The following WWOX variants were observed in gnomAD, a reference collection of about 807,000 sequenced individuals.
The protein encoded by WWOX is WW domain-containing oxidoreductase.
A neutral mutation model predicts 46.2 loss-of-function variants in WWOX; 69 were observed. The observed-to-expected ratio is 1.49, with a 90% CI of 1.23 to 1.82. WWOX has a LOEUF of 1.82. WWOX is among the 40% of genes most tolerant of loss of function. WWOX has a pLI of 0.00. For synonymous variants in WWOX, 359 were observed against 202.6 expected (o/e 1.77, Z -6.56); for missense variants, 919 against 542.6 (o/e 1.69, Z -6.89).
intron 8 of WWOX, among the ~76,000 whole-genome samples, chr16:79,168,974 C>A (rs2050648249): frequency 2.6e-5 from 4 of 152,228 alleles, no homozygotes; most frequent in Admixed American, 2.0e-4. Context: ...CTGTAAAAAT[C>A]TTGATTCCGG....
chr16:78,645,095 G>T (rs1202547134), intron 8 of WWOX, among the ~76,000 whole-genome samples: 1 of 152,104 alleles, frequency 6.6e-6, no homozygotes, highest in East Asian at 1.9e-4. Context: ...AAACCCCAAG[G>T]CTAAGCAATA....
chr16:78,935,847 G>A (rs960308294), intron 8 of WWOX, among the ~76,000 whole-genome samples: 2 of 152,076 alleles, frequency 1.3e-5, no homozygotes, highest in African/African-American at 4.8e-5. Context: ...AGGTGGTAGA[G>A]GCTGCAGTGA....
At chr16:79,104,249 C>G (rs952367038) in intron 8 of WWOX, among the ~76,000 whole-genome samples, 2 of 152,090 alleles carry the variant, frequency 1.3e-5, no homozygotes, top group African/African-American at 4.8e-5. Context: ...TTGCCTGTGT[C>G]TTATTTTGGT....
chr16:78,683,393 AT>A (rs1227251844), intron 8 of WWOX, among the ~76,000 whole-genome samples: 13 of 151,614 alleles, frequency 8.6e-5, no homozygotes, highest in Non-Finnish European at 4.4e-5. Context: ...TTAAAAAAAA[AT>A]TTAGGCGTGG....
At chr16:78,420,652 T>A (rs1567561970) in intron 6 of WWOX, among the ~76,000 whole-genome samples, 1 of 54,116 alleles carries the variant, frequency 1.8e-5, no homozygotes, top group Non-Finnish European at 3.7e-5. Flanking sequence ...TGATTGCTAA[T>A]TTTTTTTTTT....
intron 8 of WWOX, among the ~76,000 whole-genome samples, chr16:78,934,633 G>T (rs540177964): frequency 1.6e-3 from 240 of 152,120 alleles, no homozygotes; most frequent in African/African-American, 5.4e-3. Flanking sequence ...CACCACGCAG[G>T]CCTTGCTAAT....
intron 8 of WWOX, among the ~76,000 whole-genome samples, chr16:79,073,685 G>A (rs139655844): frequency 6.6e-6 from 1 of 152,096 alleles, no homozygotes; most frequent in Non-Finnish European, 1.5e-5. Flanking sequence ...TTCCCTGCTT[G>A]CCTTTGCAGC....
chr16:78,423,918 G>A (rs914126402), intron 6 of WWOX, among the ~76,000 whole-genome samples: 2 of 151,124 alleles, frequency 1.3e-5, no homozygotes, highest in Admixed American at 6.6e-5. Flanking sequence ...CCTATCTTTA[G>A]GCTTCTTTAT....
At chr16:78,822,836 A>C (rs115294633) in intron 8 of WWOX, among the ~76,000 whole-genome samples, 1 of 152,140 alleles carries the variant, frequency 6.6e-6, no homozygotes, top group African/African-American at 2.4e-5. Context: ...GGTAATTCCT[A>C]AAGAAGAGTC....
intron 6 of WWOX, among the ~76,000 whole-genome samples, chr16:78,392,094 C>G (rs1033507420): frequency 2.0e-5 from 3 of 151,642 alleles, no homozygotes; most frequent in African/African-American, 7.3e-5. Flanking sequence ...AGGCCACAAA[C>G]CAATAGCGGA....
At chr16:78,323,801 A>G (rs942800233) in intron 5 of WWOX, among the ~76,000 whole-genome samples, 3 of 152,258 alleles carry the variant, frequency 2.0e-5, no homozygotes, top group African/African-American at 7.2e-5. Flanking sequence ...TTTGTCCGGC[A>G]TACTTGACTA....
chr16:78,356,535 G>A (rs955275865), intron 5 of WWOX, among the ~76,000 whole-genome samples: 25 of 152,124 alleles, frequency 1.6e-4, no homozygotes, highest in Non-Finnish European at 3.5e-4. Context: ...ATGTGGAGAG[G>A]TAGGTGCAGG....
intron 8 of WWOX, among the ~76,000 whole-genome samples, chr16:78,605,388 C>T (rs977939529): frequency 6.6e-6 from 1 of 151,160 alleles, no homozygotes; most frequent in African/African-American, 2.4e-5. Flanking sequence ...AGGTGCAAAA[C>T]ACAAAGACAG....
intron 5 of WWOX, among the ~76,000 whole-genome samples, chr16:78,364,656 C>A (rs12933693): frequency 1.9e-4 from 4 of 21,442 alleles, no homozygotes; most frequent in African/African-American, 4.3e-4. Flanking sequence ...TTTGTGGGTG[C>A]TCTTTCTCTA....
At chr16:79,143,071 T>C (rs992252956) in intron 8 of WWOX, among the ~76,000 whole-genome samples, 1 of 152,236 alleles carries the variant, frequency 6.6e-6, no homozygotes, top group African/African-American at 2.4e-5. Flanking sequence ...AGAACGCTCA[T>C]AGAAGTTTAA....
chr16:78,486,559 A>AGTTTTGTTTT (rs541455368), intron 8 of WWOX, among the ~76,000 whole-genome samples: 17,325 of 137,548 alleles, frequency 0.13, 1,248 homozygotes, highest in African/African-American at 0.24. Context: ...ATTGACTTCC[A>AGTTTTGTTTT]GTTTTGTTTT....
chr16:78,332,213 C>T (rs1189761137), intron 5 of WWOX, among the ~76,000 whole-genome samples: 1 of 152,170 alleles, frequency 6.6e-6, no homozygotes, highest in Non-Finnish European at 1.5e-5. Context: ...CCCAGAAAGA[C>T]TGGAAACTTG....
At chr16:78,673,453 A>G (rs1470414679) in intron 8 of WWOX, among the ~76,000 whole-genome samples, 1 of 152,158 alleles carries the variant, frequency 6.6e-6, no homozygotes, top group African/African-American at 2.4e-5. Context: ...TGACACCAGC[A>G]CCATAACACG....
At chr16:78,391,995 CTTTT>C (rs68032135) in intron 6 of WWOX, among the ~76,000 whole-genome samples, 1 of 144,966 alleles carries the variant, frequency 6.9e-6, no homozygotes. Flanking sequence ...GTTTTGTCTC[CTTTT>C]TTTTTTTTTC....
Sources: gnomAD v4.1 joint callset for allele counts (sites outside exome capture counted in the v4.1 genomes callset) on GRCh38, gnomAD v4.1.1 for gene constraint, MANE v1.5 for transcripts, NCBI Gene and HGNC (gene_info 2026-07-23, HGNC 2026-07-21) for gene names.